UNC5C: variants seen among roughly 807,000 people sequenced by gnomAD.
The protein encoded by UNC5C is unc-5 netrin receptor C.
A neutral mutation model predicts 99.8 loss-of-function variants in UNC5C; 47 were observed. The ratio of observed to expected loss-of-function variants is 0.47; its 90% confidence interval spans 0.37 to 0.60. The LOEUF (loss-of-function observed/expected upper bound fraction) is 0.60. UNC5C is among the 20% of genes least tolerant of loss of function. The probability of loss-of-function intolerance (pLI) is 0.00; values close to 1 mark genes in which losing one functional copy is unlikely to be tolerated. For synonymous variants in UNC5C, 487 were observed against 452.2 expected, an observed-to-expected ratio of 1.08 and a Z score of -0.98; for missense variants, 1,062 against 1,165.9, an observed-to-expected ratio of 0.91 and a Z score of 1.30.
rs1175563549 is a variant in UNC5C at position 95,168,366 on chromosome 4, A to G, written c.*868T>C. The G allele has an allele frequency of 6.6e-6, 1 of 152,224 alleles. No individual in the cohort carries two copies. Among genetic ancestry groups the G allele is most frequent in the Non-Finnish European group, 1.5e-5 (1 of 68,034 alleles). The allele number at this position is 152,224 out of a possible 1,614,324, so 9.4% of individuals were successfully genotyped here. On this transcript the variant is annotated 3_prime_UTR_variant, in exon 16 of 16. Transcript: ENST00000453304. ...TCTAGTCAATAACCAAATACTAACAAACAGCACTGCTAACAAAAATAGAAA... is the reference window on the plus strand; with the variant it reads ...TCTAGTCAATAACCAAATACTAACAGACAGCACTGCTAACAAAAATAGAAA...
intron 12 of UNC5C, among the ~76,000 whole-genome samples, chr4:95,190,251 A>G (rs770143657): frequency 4.9e-4 from 74 of 151,866 alleles, no homozygotes; most frequent in Non-Finnish European, 8.1e-4. Flanking sequence ...CAAAAAACCA[A>G]ACACCACATG....
chr4:95,458,624 C>A (rs553197340), intron 1 of UNC5C, among the ~76,000 whole-genome samples: 92 of 152,100 alleles, frequency 6.0e-4, no homozygotes, highest in Admixed American at 3.3e-3. Flanking sequence ...AAGATTAAAA[C>A]TCATTTTCAG....
chr4:95,424,574 T>C (rs1434300318), intron 1 of UNC5C, among the ~76,000 whole-genome samples: 3 of 140,168 alleles, frequency 2.1e-5, no homozygotes, highest in Non-Finnish European at 3.0e-5. Context: ...CTGGCTGGAG[T>C]GCAGTGGCGC....
chr4:95,467,031 G>A (rs1433777386), intron 1 of UNC5C, among the ~76,000 whole-genome samples: 2 of 152,048 alleles, frequency 1.3e-5, no homozygotes, highest in Non-Finnish European at 2.9e-5. Context: ...GATGACACTC[G>A]AGCCATGATG....
intron 1 of UNC5C, among the ~76,000 whole-genome samples, chr4:95,365,410 A>C (rs2149436608): frequency 6.9e-6 from 1 of 145,958 alleles, no homozygotes; most frequent in Non-Finnish European, 1.5e-5. Context: ...TATATATTTT[A>C]TTTTCTATAT....
chr4:95,250,771 G>A, intron 4 of UNC5C, 104 bp from the exon 5 acceptor site: 3 of 1,145,740 alleles, frequency 2.6e-6, no homozygotes, highest in Non-Finnish European at 3.8e-6. Context: ...AAAAGGCCGA[G>A]AAGCGATACC....
chr4:95,452,747 G>A (rs946946208), intron 1 of UNC5C, among the ~76,000 whole-genome samples: 1 of 152,160 alleles, frequency 6.6e-6, no homozygotes, highest in Non-Finnish European at 1.5e-5. Flanking sequence ...GAAGGCACAT[G>A]AGCATTGAGG....
chr4:95,312,695 C>T (rs149115688), intron 2 of UNC5C, among the ~76,000 whole-genome samples: 2,166 of 152,256 alleles, frequency 0.014, 58 homozygotes, highest in African/African-American at 0.049. Flanking sequence ...GAAACTATGT[C>T]TCAGAAAAGA....
chr4:95,215,115 C>CA (rs1313505741), intron 10 of UNC5C, among the ~76,000 whole-genome samples: 1 of 152,114 alleles, frequency 6.6e-6, no homozygotes, highest in African/African-American at 2.4e-5. Context: ...GAGCATAATA[C>CA]AAAAGCTTTA....
chr4:95,498,666 G>A (rs768989322), intron 1 of UNC5C, among the ~76,000 whole-genome samples: 13 of 149,366 alleles, frequency 8.7e-5, no homozygotes, highest in African/African-American at 1.7e-4. Context: ...CTGTTTTATC[G>A]TTTTATTCCT....
intron 7 of UNC5C, among the ~76,000 whole-genome samples, chr4:95,222,437 C>T (rs184111855): frequency 7.2e-4 from 110 of 152,184 alleles, no homozygotes; most frequent in Non-Finnish European, 1.2e-3. Flanking sequence ...TGCTCTGGAG[C>T]CTCACTAAGA....
intron 7 of UNC5C, among the ~76,000 whole-genome samples, chr4:95,226,379 A>C (rs1738689638): frequency 6.6e-6 from 1 of 152,234 alleles, no homozygotes; most frequent in Non-Finnish European, 1.5e-5. Flanking sequence ...AGCTGTGGAA[A>C]GGATAAATGA....
At chr4:95,506,649 G>A (rs1005157130) in intron 1 of UNC5C, among the ~76,000 whole-genome samples, 3 of 152,012 alleles carry the variant, frequency 2.0e-5, no homozygotes, top group African/African-American at 7.2e-5. Flanking sequence ...AGTCAGCCCA[G>A]ACAGATGGTA....
At chr4:95,406,865 T>C (rs944707633) in intron 1 of UNC5C, among the ~76,000 whole-genome samples, 1 of 152,252 alleles carries the variant, frequency 6.6e-6, no homozygotes, top group Non-Finnish European at 1.5e-5. Context: ...TTTTCAACAA[T>C]TTCATGATTT....
chr4:95,246,760 T>G (rs1739517126), intron 5 of UNC5C, among the ~76,000 whole-genome samples: 1 of 151,942 alleles, frequency 6.6e-6, no homozygotes, highest in African/African-American at 2.4e-5. Context: ...TGTATACATA[T>G]AAAGTACTGG....
chr4:95,350,489 A>G (rs922300235), intron 1 of UNC5C, among the ~76,000 whole-genome samples: 1 of 152,022 alleles, frequency 6.6e-6, no homozygotes, highest in South Asian at 2.1e-4. Context: ...CCGTCTCAAA[A>G]AAAAAAAAGT....
intron 12 of UNC5C, among the ~76,000 whole-genome samples, chr4:95,191,821 C>T (rs1243271432): frequency 6.9e-6 from 1 of 144,888 alleles, no homozygotes; most frequent in Non-Finnish European, 1.5e-5. Context: ...CTGCTCACCT[C>T]TTCTGCTCAC....
Position 95,348,751 on chromosome 4 carries a change from A to T in UNC5C, c.125-13120T>A, listed in dbSNP as rs188308897. Among the ~76,000 whole-genome samples the T allele has an allele frequency of 1.6e-3, 242 of 151,554 alleles. 1 individual carries two copies. Among genetic ancestry groups the T allele is most frequent in the Non-Finnish European group, 2.9e-3 (199 of 67,802 alleles). ...AATCCAATGAAAACTACAATCTATA[A>T]AAAAGATTTTTTATGACTGAATGGT... On this transcript the variant is annotated intron_variant, in intron 1 of 15. Coordinates refer to ENST00000453304, the MANE Select transcript of UNC5C (RefSeq NM_003728.4).
intron 1 of UNC5C, among the ~76,000 whole-genome samples, chr4:95,452,443 G>A (rs919767840): frequency 6.6e-5 from 10 of 152,038 alleles, no homozygotes; most frequent in East Asian, 1.9e-4. Context: ...CCCAGACCAC[G>A]GAGGGTTTCA....
Sources: allele counts gnomAD v4.1 joint callset (sites outside exome capture counted in the v4.1 genomes callset), GRCh38; gene constraint gnomAD v4.1.1; transcripts MANE v1.5; gene names NCBI Gene and HGNC (gene_info 2026-07-23, HGNC 2026-07-21).